Variants in NEK7 observed in about 807,000 individuals in gnomAD.
The protein encoded by NEK7 is serine/threonine-protein kinase Nek7.
A neutral mutation model predicts 44.6 loss-of-function variants in NEK7; 18 were observed. The observed-to-expected ratio is 0.40, with a 90% CI of 0.28 to 0.60. The LOEUF is 0.60. NEK7 is among the 20% of genes least tolerant of loss of function. NEK7 has a pLI of 0.38. For missense variants in NEK7, 256 were observed against 366.5 expected, an observed-to-expected ratio of 0.70 and a Z score of 2.46; for synonymous variants, 130 against 121.1, an observed-to-expected ratio of 1.07 and a Z score of -0.48.
chr1:198,202,327 C>T (rs1024770773), intron 1 of NEK7, among the ~76,000 whole-genome samples: 8 of 152,132 alleles, frequency 5.3e-5, no homozygotes, highest in Non-Finnish European at 8.8e-5. Context: ...TGGCGCTTTC[C>T]TCACTTTAGC....
chr1:198,297,193 G>T lies in NEK7; in HGVS notation c.751G>T (p.Glu251Ter). The stretch of plus-strand genomic sequence containing the variant: ...TTTATACTCACTGTGTAAGAAGATA[G>T]AACAGTGTGACTACCCACCTCTTCC... ...MNLYSLCKKI[E>*]QCDYPPLPSD... Residue 251 changes from glutamate to a stop codon, truncating the protein, a stop_gained, in exon 9 of 10, where the codon GAA (glutamate) becomes TAA (stop). Transcript: ENST00000367385. LOFTEE classifies it high-confidence loss of function. 1 of 1,613,576 alleles carries T rather than the reference G, an allele frequency of 6.2e-7. No individual in the cohort carries two copies. Among genetic ancestry groups the T allele is most frequent in the Non-Finnish European group, 8.5e-7 (1 of 1,179,718 alleles).
Position 198,280,418 on chromosome 1 carries a change from C to T in NEK7, c.589+1357C>T, listed in dbSNP as rs186244322. 3.7e-4 allele frequency among the ~76,000 whole-genome samples: 57 copies of T among 152,186 alleles called. 1 individual carries two copies. The highest frequency in any genetic ancestry group is 3.1e-3 in the Admixed American group (47 of 15,258). ...CTGCACATGCCCCTGCTCATGCACACACGTGTGTTGTTTACATGCTGCTTT... is the reference window on the plus strand; with the variant it reads ...CTGCACATGCCCCTGCTCATGCACATACGTGTGTTGTTTACATGCTGCTTT... On this transcript the variant is annotated intron_variant, in intron 7 of 9. Coordinates refer to ENST00000367385, the MANE Select transcript of NEK7 (RefSeq NM_133494.3).
At chr1:198,163,031 T>G (rs1664155026) in intron 1 of NEK7, among the ~76,000 whole-genome samples, 1 of 152,184 alleles carries the variant, frequency 6.6e-6, no homozygotes, top group South Asian at 2.1e-4. Flanking sequence ...TTTACCTAGG[T>G]GAATTACTAT....
intron 9 of NEK7, among the ~76,000 whole-genome samples, chr1:198,305,567 G>T (rs1655000748): frequency 6.6e-6 from 1 of 152,034 alleles, no homozygotes; most frequent in Admixed American, 6.5e-5. Flanking sequence ...TAAAGAAATT[G>T]TTCTGTGACA....
At chr1:198,288,245 A>G (rs915805677) in intron 7 of NEK7, among the ~76,000 whole-genome samples, 1 of 152,160 alleles carries the variant, frequency 6.6e-6, no homozygotes, top group African/African-American at 2.4e-5. Flanking sequence ...TTAACTTTCA[A>G]TCCCTTCTTA....
chr1:198,234,055 G>C (rs887821493), intron 2 of NEK7, among the ~76,000 whole-genome samples: 2 of 151,812 alleles, frequency 1.3e-5, no homozygotes, highest in Non-Finnish European at 2.9e-5. Flanking sequence ...TCTCTTATTA[G>C]GTTAAAATCT....
intron 1 of NEK7, among the ~76,000 whole-genome samples, chr1:198,215,920 A>G (rs983474389): frequency 1.3e-5 from 2 of 152,068 alleles, no homozygotes; most frequent in African/African-American, 4.8e-5. Context: ...AAGCAATACC[A>G]CTAGATTAAA....
intron 1 of NEK7, among the ~76,000 whole-genome samples, chr1:198,172,842 G>C (rs1358382679): frequency 6.6e-6 from 1 of 152,184 alleles, no homozygotes; most frequent in Non-Finnish European, 1.5e-5. Flanking sequence ...AAAGAGTTTA[G>C]AATAACTCCC....
At chr1:198,291,733 G>A (rs746567375) in intron 7 of NEK7, among the ~76,000 whole-genome samples, 14 of 151,812 alleles carry the variant, frequency 9.2e-5, no homozygotes, top group Non-Finnish European at 2.1e-4. Context: ...AACGGATTCC[G>A]ATACAGGTAG....
rs140181207 is a variant in NEK7, at chr1:198,210,741, C to CTTTTTTTTTTTT, written c.-28-21794_-28-21783dup. 1.0e-3 allele frequency among the ~76,000 whole-genome samples: 59 copies of CTTTTTTTTTTTT among 57,538 alleles called. 5 individuals are homozygous for CTTTTTTTTTTTT. The highest frequency in any genetic ancestry group is 1.5e-3 in the Non-Finnish European group (47 of 31,000). The allele number at this position is 57,538 out of a possible 152,430, so 37.7% of individuals were successfully genotyped here. On this transcript the variant is annotated intron_variant, in intron 1 of 9. Coordinates refer to ENST00000367385, the MANE Select transcript of NEK7 (RefSeq NM_133494.3). ...GTCATTGTCCCTTCAATTTGTATTT[C>CTTTTTTTTTTTT]TTTTTTTTTTTTTTTTTTTTTTTTT...
chr1:198,171,671 T>TC (rs898197747), intron 1 of NEK7, among the ~76,000 whole-genome samples: 2 of 148,192 alleles, frequency 1.3e-5, no homozygotes, highest in African/African-American at 5.0e-5. Context: ...AGAGCAAGAC[T>TC]CCGTCTGAAA....
At chr1:198,227,138 G>T (rs1469503849) in intron 1 of NEK7, among the ~76,000 whole-genome samples, 1 of 152,048 alleles carries the variant, frequency 6.6e-6, no homozygotes, top group East Asian at 1.9e-4. Context: ...TTGTCCTTGC[G>T]ATAGTTTGCT....
intron 1 of NEK7, among the ~76,000 whole-genome samples, chr1:198,202,279 C>T (rs1665454061): frequency 6.6e-6 from 1 of 152,060 alleles, no homozygotes; most frequent in Non-Finnish European, 1.5e-5. Context: ...AAATGTGACC[C>T]AGCCTTTCTT....
rs758803172 is a variant in NEK7, at chr1:198,173,782, T to C, written c.-29+16506T>C. Among the ~76,000 whole-genome samples the C allele has an allele frequency of 2.4e-4, 37 of 152,156 alleles. 1 individual carries two copies. Among genetic ancestry groups the C allele is most frequent in the Non-Finnish European group, 5.1e-4 (35 of 68,020 alleles). ...TCATTTATTTGGTCATATTTTTATATAAAAAACTTTATAATTAAAGTTTTT... is the reference window on the plus strand; with the variant it reads ...TCATTTATTTGGTCATATTTTTATACAAAAAACTTTATAATTAAAGTTTTT... On this transcript the variant is annotated intron_variant, in intron 1 of 9. Coordinates refer to ENST00000367385, the MANE Select transcript of NEK7 (RefSeq NM_133494.3).
chr1:198,191,430 T>C lies in NEK7; in HGVS notation c.-29+34154T>C, dbSNP rs546508653. Among the ~76,000 whole-genome samples, 6 of 152,110 alleles carry C rather than the reference T, an allele frequency of 3.9e-5. No individual in the cohort carries two copies. The East Asian group carries it at 5.8e-4, about 15-fold the overall frequency. ...TGATGAGATTGAGAATATTTTCATATGCTCTTCTACAAATTACTTGTTAAT... is the reference window on the plus strand; with the variant it reads ...TGATGAGATTGAGAATATTTTCATACGCTCTTCTACAAATTACTTGTTAAT... On this transcript the variant is annotated intron_variant, in intron 1 of 9. Transcript: ENST00000367385.
At chr1:198,157,482 G>T (rs1311113552) in intron 1 of NEK7, among the ~76,000 whole-genome samples, 1 of 152,154 alleles carries the variant, frequency 6.6e-6, no homozygotes, top group African/African-American at 2.4e-5. Context: ...GTGGGAGGGG[G>T]CGGCAGGAAA....
intron 1 of NEK7, among the ~76,000 whole-genome samples, chr1:198,204,005 C>T (rs1665515033): frequency 6.6e-6 from 1 of 152,168 alleles, no homozygotes; most frequent in Admixed American, 6.5e-5. Flanking sequence ...TGCCCATATC[C>T]CAGCACTTTG....
At chr1:198,295,040 T>C (rs1654670161) in intron 8 of NEK7, among the ~76,000 whole-genome samples, 1 of 151,328 alleles carries the variant, frequency 6.6e-6, no homozygotes, top group South Asian at 2.1e-4. Context: ...TTTTTGAAAA[T>C]GTATTTTAAA....
intron 1 of NEK7, among the ~76,000 whole-genome samples, chr1:198,208,215 G>T (rs138845931): frequency 8.9e-4 from 135 of 152,152 alleles, no homozygotes; most frequent in Non-Finnish European, 6.6e-4. Context: ...TGTTTTTCAT[G>T]ATGTATTGGA....
Sources: allele counts gnomAD v4.1 joint callset (sites outside exome capture counted in the v4.1 genomes callset), GRCh38; gene constraint gnomAD v4.1.1; transcripts MANE v1.5; gene names NCBI Gene and HGNC (gene_info 2026-07-23, HGNC 2026-07-21).